TXNRD3: variants seen among roughly 807,000 people sequenced by gnomAD.
The protein encoded by TXNRD3 is TXNRD3 neighbor gene protein.
Under a neutral mutation model 78.2 loss-of-function variants are expected in TXNRD3, and 68 were observed. That is an observed-to-expected ratio of 0.87 (90% CI 0.72 to 1.06). The LOEUF (loss-of-function observed/expected upper bound fraction) is 1.06, where lower values mean the gene tolerates loss of function less well. TXNRD3 is among the 50% of genes least tolerant of loss of function. TXNRD3 has a pLI of 0.00. For missense variants in TXNRD3, 751 were observed against 809.5 expected, an observed-to-expected ratio of 0.93 and a Z score of 0.88; for synonymous variants, 296 against 300.1, an observed-to-expected ratio of 0.99 and a Z score of 0.14.
intron 1 of TXNRD3, among the ~76,000 whole-genome samples, chr3:126,648,805 A>T (rs373697157): frequency 1.3e-5 from 2 of 152,204 alleles, no homozygotes; most frequent in South Asian, 4.1e-4. Context: ...TATGGATATG[A>T]TCTCAAAGGC....
chr3:126,642,226 C>A (rs1559778688), intron 5 of TXNRD3, 75 bp from the exon 6 acceptor site: 2 of 1,437,260 alleles, frequency 1.4e-6, no homozygotes, highest in African/African-American at 2.9e-5. Flanking sequence ...TATATTAAAA[C>A]ATGTGGAAAT....
chr3:126,650,280 C>A (rs185066392), intron 1 of TXNRD3, among the ~76,000 whole-genome samples: 76 of 152,348 alleles, frequency 5.0e-4, no homozygotes, highest in African/African-American at 1.8e-3. Flanking sequence ...ACAGGTCAGA[C>A]GCTGCTCACA....
intron 5 of TXNRD3, among the ~76,000 whole-genome samples, chr3:126,643,080 A>G (rs1933133221): frequency 6.6e-6 from 1 of 152,134 alleles, no homozygotes; most frequent in Non-Finnish European, 1.5e-5. Context: ...CAGCCATCCA[A>G]TGGAGGGGGT....
intron 10 of TXNRD3, among the ~76,000 whole-genome samples, chr3:126,628,156 CA>C (rs1938623547): frequency 6.6e-6 from 1 of 151,878 alleles, no homozygotes; most frequent in Non-Finnish European, 1.5e-5. Context: ...ACAACATAAA[CA>C]AAAAGACACT....
intron 12 of TXNRD3, among the ~76,000 whole-genome samples, chr3:126,618,309 T>C (rs1938361952): frequency 6.6e-6 from 1 of 152,224 alleles, no homozygotes; most frequent in African/African-American, 2.4e-5. Flanking sequence ...TTACACTACC[T>C]GATTTCAAAA....
intron 7 of TXNRD3, among the ~76,000 whole-genome samples, chr3:126,632,510 A>G (rs1407110933): frequency 6.6e-6 from 1 of 151,934 alleles, no homozygotes; most frequent in Non-Finnish European, 1.5e-5. Context: ...AAACACAAAA[A>G]TTAGCTGGGC....
chr3:126,629,026 A>G (rs1331033538), intron 10 of TXNRD3, among the ~76,000 whole-genome samples: 1 of 152,120 alleles, frequency 6.6e-6, no homozygotes, highest in East Asian at 1.9e-4. Context: ...TTTGAGAAAG[A>G]AAAATAGCTT....
intron 9 of TXNRD3, 133 bp from the exon 10 acceptor site, chr3:126,629,604 G>GC: frequency 1.6e-6 from 1 of 606,126 alleles, no homozygotes; most frequent in Non-Finnish European, 2.7e-6. Context: ...TTAGTATAAG[G>GC]TTTCTGGATA....
chr3:126,625,223 T>C (rs552125980), intron 10 of TXNRD3: 2 of 151,844 alleles, frequency 1.3e-5, no homozygotes, highest in African/African-American at 2.4e-5. Context: ...GTTACATATG[T>C]ATACATGTGC....
intron 12 of TXNRD3, 41 bp downstream of exon 12, chr3:126,621,701 T>C: frequency 7.1e-7 from 1 of 1,417,158 alleles, no homozygotes; most frequent in Non-Finnish European, 9.2e-7. Flanking sequence ...AAAATCATGA[T>C]CTTGATCAGG....
In TXNRD3 at chr3:126,608,508, T is replaced by C. The variant is rs1576277264; in HGVS notation, c.1854A>G (p.Thr618=). Residue 618 remains threonine (T), a synonymous_variant, in exon 15 of 16, where the codon ACA becomes ACG. Coordinates refer to ENST00000524230, the MANE Select transcript of TXNRD3 (RefSeq NM_052883.3). ...ACCTCCTGTTTCCTACCTCCCCACA[T>C]GTGGGGTGAATTCCAATGGTGTCAT... is the stretch of plus-strand genomic sequence containing the variant. 1 of 1,534,192 alleles carries C rather than the reference T, an allele frequency of 6.5e-7. No homozygotes were observed. Among genetic ancestry groups the C allele is most frequent in the Non-Finnish European group, 8.7e-7 (1 of 1,146,280 alleles).
chr3:126,640,718 C>A (rs2107624373), intron 6 of TXNRD3, among the ~76,000 whole-genome samples: 1 of 152,252 alleles, frequency 6.6e-6, no homozygotes, highest in Non-Finnish European at 1.5e-5. Flanking sequence ...AATTTTATGC[C>A]TTCAACTACC....
chr3:126,653,511 G>A (rs1479931012), intron 1 of TXNRD3, among the ~76,000 whole-genome samples: 1 of 152,232 alleles, frequency 6.6e-6, no homozygotes, highest in Admixed American at 6.5e-5. Flanking sequence ...ATAATGGAAT[G>A]CCATTTCAAA....
intron 1 of TXNRD3, among the ~76,000 whole-genome samples, chr3:126,649,664 TA>T (rs758272437): frequency 1.4e-4 from 22 of 152,240 alleles, no homozygotes; most frequent in Non-Finnish European, 2.4e-4. Flanking sequence ...ATTCAGTCTT[TA>T]AAAGAAAGGA....
chr3:126,646,030 TA>T, intron 3 of TXNRD3, 80 bp downstream of exon 3: 3 of 1,161,150 alleles, frequency 2.6e-6, no homozygotes, highest in Non-Finnish European at 3.5e-6. Flanking sequence ...AGTGGACTCC[TA>T]AAAACCATTT....
At chr3:126,651,510 G>C (rs1413021607) in intron 1 of TXNRD3, among the ~76,000 whole-genome samples, 1 of 152,196 alleles carries the variant, frequency 6.6e-6, no homozygotes, top group East Asian at 1.9e-4. Context: ...GGAAAGATTT[G>C]ACTAACATTA....
chr3:126,639,848 C>A (rs112011161), intron 6 of TXNRD3, among the ~76,000 whole-genome samples: 1 of 152,202 alleles, frequency 6.6e-6, no homozygotes, highest in East Asian at 1.9e-4. Flanking sequence ...TCTACCTCAG[C>A]CTCCCAAAGT....
intron 12 of TXNRD3, among the ~76,000 whole-genome samples, chr3:126,620,841 G>C (rs1716620): frequency 0.2 from 30,501 of 152,110 alleles, 3,321 homozygotes; most frequent in Admixed American, 0.29. Context: ...ATTGCAAAAT[G>C]TTCTATTGCA....
In TXNRD3 at chr3:126,644,300, C is replaced by T. The variant is rs1399737826; in HGVS notation, c.516G>A (p.Ala172=). The T allele has an allele frequency of 2.0e-5, 30 of 1,535,516 alleles. No homozygotes were observed. The highest frequency in any genetic ancestry group is 5.9e-5 in the Admixed American group (3 of 50,930). ...AGTTTCATTTCTATATTCATACCTTCGCACATGAAAGGCCTCCAGAACCAC... is the reference window on the plus strand; with the variant it reads ...AGTTTCATTTCTATATTCATACCTTTGCACATGAAAGGCCTCCAGAACCAC... The change falls in exon 4 of 16, where the codon GCG becomes GCA. Residue 172 remains alanine (A), a synonymous_variant. Coordinates refer to ENST00000524230, the MANE Select transcript of TXNRD3 (RefSeq NM_052883.3).
Sources: allele counts gnomAD v4.1 joint callset (sites outside exome capture counted in the v4.1 genomes callset), GRCh38; gene constraint gnomAD v4.1.1; transcripts MANE v1.5; gene names NCBI Gene and HGNC (gene_info 2026-07-23, HGNC 2026-07-21).